The following MAP3K7 variants were observed in gnomAD, a reference collection of about 807,000 sequenced individuals.
The protein encoded by MAP3K7 is mitogen-activated protein kinase kinase kinase 7.
MAP3K7 carries 21 observed loss-of-function variants against 84.8 expected under a neutral mutation model. The ratio of observed to expected loss-of-function variants is 0.25; its 90% CI spans 0.18 to 0.36. The LOEUF is 0.36. Among genes scored for constraint, MAP3K7 ranks in the 10% least tolerant of loss-of-function variants. The pLI is 1.00. For missense variants in MAP3K7, 503 were observed against 747.7 expected (o/e 0.67, Z 3.82); for synonymous variants, 241 against 247.7 (o/e 0.97, Z 0.25).
chr6:90,544,883 C>A (rs1775956649), intron 11 of MAP3K7, among the ~76,000 whole-genome samples: 1 of 151,664 alleles, frequency 6.6e-6, no homozygotes, highest in East Asian at 1.9e-4. Flanking sequence ...AGAACAGAGA[C>A]AAAGCTGCAG....
At chr6:90,532,363 A>G (rs1775537338) in intron 13 of MAP3K7, among the ~76,000 whole-genome samples, 1 of 152,184 alleles carries the variant, frequency 6.6e-6, no homozygotes, top group Admixed American at 6.5e-5. Context: ...GCTGGCATAC[A>G]ACATGGATTA....
intron 12 of MAP3K7, among the ~76,000 whole-genome samples, chr6:90,537,507 G>C (rs190093208): frequency 3.3e-5 from 5 of 152,034 alleles, no homozygotes; most frequent in East Asian, 1.9e-4. Flanking sequence ...AATGGAATAA[G>C]AATGTTTAAT....
At chr6:90,558,345 T>A (rs1359075236) in intron 5 of MAP3K7, among the ~76,000 whole-genome samples, 1 of 151,458 alleles carries the variant, frequency 6.6e-6, no homozygotes, top group Non-Finnish European at 1.5e-5. Context: ...ATAATAATAA[T>A]AAAAATAATT....
chr6:90,562,265 C>G (rs954409626), intron 3 of MAP3K7, among the ~76,000 whole-genome samples: 1 of 152,146 alleles, frequency 6.6e-6, no homozygotes, highest in South Asian at 2.1e-4. Flanking sequence ...TGAGTCGAAG[C>G]AGGGCAGGGC....
At chr6:90,566,327 C>T (rs1227882403) in intron 3 of MAP3K7, among the ~76,000 whole-genome samples, 1 of 152,148 alleles carries the variant, frequency 6.6e-6, no homozygotes, top group African/African-American at 2.4e-5. Flanking sequence ...TGTCTCAGCC[C>T]AAAATCTCCT....
In MAP3K7 at chr6:90,553,695, T is replaced by A. The variant is rs1024290737; in HGVS notation, c.608-109A>T. ...GGTATCAGGGATAAAAATGAGGCTG[T>A]CACATGTAGAACTAAGAAACTACTC... On this transcript the variant is annotated intron_variant, in intron 6 of 16. Coordinates refer to ENST00000369329, the MANE Select transcript of MAP3K7 (RefSeq NM_145331.3). The A allele has an allele frequency of 1.1e-5, 9 of 856,242 alleles. No homozygotes were observed. The Admixed American group carries it at 1.9e-4, about 18-fold the overall frequency. 53.0% of individuals were successfully genotyped at this position (856,242 alleles called of 1,614,324 possible).
In MAP3K7 at chr6:90,513,719, C is replaced by CGG. The variant is rs1353840471; in HGVS notation, c.*2781_*2782insCC. ...ATGACAGAAGTAGAAGTAGAACTTA[C>CGG]TACCATTTGAAGACAGGAGTTGAGC... On this transcript the variant is annotated 3_prime_UTR_variant, in exon 17 of 17. Transcript: ENST00000369329. 1 of 152,076 alleles carries CGG rather than the reference C, an allele frequency of 6.6e-6. No individual in the cohort carries two copies. Among genetic ancestry groups the CGG allele is most frequent in the Non-Finnish European group, 1.5e-5 (1 of 68,002 alleles). The allele number at this position is 152,076 out of a possible 1,614,324, so 9.4% of individuals were successfully genotyped here. A position where few individuals can be genotyped will look rare whatever the true frequency, so the allele number is the denominator to read the frequency against.
intron 14 of MAP3K7, among the ~76,000 whole-genome samples, chr6:90,522,481 C>T (rs934145176): frequency 6.6e-6 from 1 of 152,080 alleles, no homozygotes; most frequent in African/African-American, 2.4e-5. Context: ...CTGCTATCAC[C>T]TGAATGTTAA....
At position 90,515,362 on chromosome 6, in the gene MAP3K7, T is replaced by C. The variant is rs545571569; in HGVS notation, c.*1139A>G. ...GAAGGTTTTGGTAGCAAAATTACTG[T>C]TAACAATATAAATACTCTGTAAGTG... On this transcript the variant is annotated 3_prime_UTR_variant, in exon 17 of 17. Transcript: ENST00000369329. 2 of 152,120 alleles carry C rather than the reference T, an allele frequency of 1.3e-5. No homozygotes were observed. The highest frequency in any genetic ancestry group is 4.1e-4 in the South Asian group (2 of 4,824). The allele number at this position is 152,120 out of a possible 1,614,324, so 9.4% of individuals were successfully genotyped here.
intron 7 of MAP3K7, among the ~76,000 whole-genome samples, chr6:90,552,756 T>C (rs1776220143): frequency 6.6e-6 from 1 of 152,232 alleles, no homozygotes; most frequent in South Asian, 2.1e-4. Context: ...TCTAACATCA[T>C]ATGTGGTTAA....
chr6:90,558,244 C>T (rs1742292303), intron 5 of MAP3K7, among the ~76,000 whole-genome samples: 1 of 152,118 alleles, frequency 6.6e-6, no homozygotes, highest in African/African-American at 2.4e-5. Flanking sequence ...ATTGCTTGAA[C>T]CCGGGAGGTG....
At chr6:90,539,011 T>C (rs936438605) in intron 12 of MAP3K7, among the ~76,000 whole-genome samples, 5 of 151,922 alleles carry the variant, frequency 3.3e-5, no homozygotes, top group South Asian at 4.1e-4. Context: ...TATTACACAT[T>C]ATGGGACACC....
At chr6:90,575,419 A>G (rs564471355) in intron 1 of MAP3K7, among the ~76,000 whole-genome samples, 2 of 152,294 alleles carry the variant, frequency 1.3e-5, no homozygotes, top group African/African-American at 4.8e-5. Flanking sequence ...TAGATCCCTA[A>G]GAGCAGGCAT....
intron 13 of MAP3K7, among the ~76,000 whole-genome samples, chr6:90,524,186 A>G (rs1775246994): frequency 6.6e-6 from 1 of 152,172 alleles, no homozygotes; most frequent in African/African-American, 2.4e-5. Flanking sequence ...CCTCTGCTTA[A>G]AGCTAAAACT....
chr6:90,525,565 T>C (rs1255526169), intron 13 of MAP3K7, among the ~76,000 whole-genome samples: 1 of 151,534 alleles, frequency 6.6e-6, no homozygotes, highest in Non-Finnish European at 1.5e-5. Context: ...ATATCCACCA[T>C]CACAGTGAGA....
chr6:90,531,200 A>G (rs1775494462), intron 13 of MAP3K7, among the ~76,000 whole-genome samples: 1 of 152,192 alleles, frequency 6.6e-6, no homozygotes, highest in South Asian at 2.1e-4. Context: ...ATAAAAAGGA[A>G]TTGGAAGTTA....
At chr6:90,550,025 C>T (rs1582199969) in intron 9 of MAP3K7, among the ~76,000 whole-genome samples, 1 of 152,146 alleles carries the variant, frequency 6.6e-6, no homozygotes, top group East Asian at 1.9e-4. Context: ...CCCACTACTA[C>T]TTCACATTTC....
intron 13 of MAP3K7, among the ~76,000 whole-genome samples, chr6:90,524,717 T>C (rs546207527): frequency 6.6e-6 from 1 of 151,978 alleles, no homozygotes; most frequent in East Asian, 1.9e-4. Context: ...TAAGGAATAG[T>C]GATAAACAGG....
chr6:90,528,873 A>C (rs1200069451), intron 13 of MAP3K7, among the ~76,000 whole-genome samples: 1 of 152,308 alleles, frequency 6.6e-6, no homozygotes, highest in South Asian at 2.1e-4. Flanking sequence ...TACCCACTGA[A>C]ATTGCTTCAG....
Sources: gnomAD v4.1 joint callset for allele counts (sites outside exome capture counted in the v4.1 genomes callset) on GRCh38, gnomAD v4.1.1 for gene constraint, MANE v1.5 for transcripts, NCBI Gene and HGNC (gene_info 2026-07-23, HGNC 2026-07-21) for gene names.